The following IMMP2L variants were observed in gnomAD, a reference collection of about 807,000 sequenced individuals.
The protein encoded by IMMP2L is inner mitochondrial membrane peptidase subunit 2, also known as mitochondrial inner membrane protease subunit 2.
In IMMP2L, 18 loss-of-function variants were observed where a neutral mutation model predicts 19.3. That is an observed-to-expected ratio of 0.93 (90% CI 0.64 to 1.38). IMMP2L has a LOEUF of 1.38. Among genes scored for constraint, IMMP2L ranks in the 40% most tolerant of loss-of-function variants. The pLI is 0.00. For missense variants in IMMP2L, 233 were observed against 218.2 expected, an observed-to-expected ratio of 1.07 and a Z score of -0.43; for synonymous variants, 76 against 73.0, an observed-to-expected ratio of 1.04 and a Z score of -0.21.
intron 5 of IMMP2L, among the ~76,000 whole-genome samples, chr7:110,835,743 C>T (rs1404420065): frequency 6.6e-6 from 1 of 151,588 alleles, no homozygotes; most frequent in Non-Finnish European, 1.5e-5. Flanking sequence ...ACACTGTATT[C>T]AATAAATGTT....
chr7:111,037,249 T>A (rs1454857281), intron 3 of IMMP2L, among the ~76,000 whole-genome samples: 3 of 152,190 alleles, frequency 2.0e-5, no homozygotes, highest in African/African-American at 7.2e-5. Flanking sequence ...AGATTTATAT[T>A]TTCAAATTTG....
At position 111,540,813 on chromosome 7, in the gene IMMP2L, G is replaced by A. The variant is rs113375485; in HGVS notation, c.-2-19364C>T. 6.0e-4 allele frequency among the ~76,000 whole-genome samples: 91 copies of A among 151,888 alleles called. 2 individuals carry two copies. The South Asian group carries it at 0.016, about 27-fold the overall frequency. ...GTAGATATGGTTTATATTACCACCC[G>A]TTTACAATGTTGATAGTTTCATATG... On this transcript the variant is annotated intron_variant, in intron 1 of 5. Transcript: ENST00000405709.
Position 110,722,041 on chromosome 7 carries a change from T to G in IMMP2L, c.409-58320A>C, listed in dbSNP as rs115274771. ...GACTGATGAAGGTTTAGTGAGAGGG[T>G]TCATTTGAGCTGGCATTTAAAAGAT... is the stretch of plus-strand genomic sequence containing the variant. On this transcript the variant is annotated intron_variant, in intron 5 of 5. Coordinates refer to ENST00000405709, the MANE Select transcript of IMMP2L (RefSeq NM_032549.4). 5.3e-3 allele frequency among the ~76,000 whole-genome samples: 802 copies of G among 152,022 alleles called. 10 individuals are homozygous for G. Among genetic ancestry groups the G allele is most frequent in the African/African-American group, 0.018 (765 of 41,458 alleles).
chr7:111,537,836 C>G (rs188783098), intron 1 of IMMP2L, among the ~76,000 whole-genome samples: 100 of 152,034 alleles, frequency 6.6e-4, no homozygotes, highest in Non-Finnish European at 1.3e-3. Flanking sequence ...GGGCCAGTTC[C>G]TCTCTTTCAC....
chr7:111,435,587 T>G (rs1477873982), intron 3 of IMMP2L, among the ~76,000 whole-genome samples: 1 of 151,870 alleles, frequency 6.6e-6, no homozygotes, highest in East Asian at 1.9e-4. Context: ...ATGTTCACTA[T>G]TCAGGTGATG....
intron 3 of IMMP2L, among the ~76,000 whole-genome samples, chr7:111,191,431 T>TACACACACAC (rs57414194): frequency 0.021 from 3,074 of 146,690 alleles, 51 homozygotes; most frequent in African/African-American, 0.025. Flanking sequence ...GCTGCTCAAA[T>TACACACACAC]ACACACACAC....
intron 3 of IMMP2L, among the ~76,000 whole-genome samples, chr7:111,377,173 T>C (rs1390680516): frequency 6.6e-6 from 1 of 151,974 alleles, no homozygotes; most frequent in Non-Finnish European, 1.5e-5. Flanking sequence ...AGTAGCTCCT[T>C]ATCACCAAGT....
chr7:111,527,261 T>G (rs1020451810), intron 1 of IMMP2L, among the ~76,000 whole-genome samples: 13 of 151,788 alleles, frequency 8.6e-5, no homozygotes, highest in African/African-American at 3.1e-4. Flanking sequence ...CTCTAAAAAT[T>G]TAAAAATTAG....
chr7:111,343,542 T>C (rs966222827), intron 3 of IMMP2L, among the ~76,000 whole-genome samples: 4 of 152,016 alleles, frequency 2.6e-5, no homozygotes, highest in African/African-American at 9.7e-5. Context: ...CTTCACTCCT[T>C]CAGCAACCAC....
intron 4 of IMMP2L, among the ~76,000 whole-genome samples, chr7:110,901,372 A>G (rs1811844736): frequency 6.6e-6 from 1 of 152,186 alleles, no homozygotes; most frequent in South Asian, 2.1e-4. Flanking sequence ...CCTCTAGAAT[A>G]CCATAAACAA....
chr7:111,392,714 A>G (rs923353192), intron 3 of IMMP2L: 2 of 455,600 alleles, frequency 4.4e-6, no homozygotes, highest in African/African-American at 4.0e-5. Flanking sequence ...ACTTGGCTAT[A>G]AAGTCTGAGG....
chr7:111,202,598 T>C (rs1039182276), intron 3 of IMMP2L, among the ~76,000 whole-genome samples: 6 of 152,152 alleles, frequency 3.9e-5, no homozygotes, highest in Non-Finnish European at 8.8e-5. Flanking sequence ...GTACAGAGGA[T>C]ATGTAGAATT....
At position 111,562,422 on chromosome 7, in the gene IMMP2L, C is replaced by CA. The variant is rs1474209149; in HGVS notation, c.-575_-574insT. 2 of 125,106 alleles carry CA rather than the reference C, an allele frequency of 1.6e-5. No individual in the cohort carries two copies. Among genetic ancestry groups the CA allele is most frequent in the Non-Finnish European group, 3.5e-5 (2 of 57,788 alleles). The allele number at this position is 125,106 out of a possible 1,614,324, so 7.7% of individuals were successfully genotyped here. On this transcript the variant is annotated 5_prime_UTR_variant, in exon 1 of 6. Coordinates refer to ENST00000405709, the MANE Select transcript of IMMP2L (RefSeq NM_032549.4). ...CCGCCGACCCCTGCCAGCCTCACAG[C>CA]CCCCCACCCGCCGCCGGACGCCGGG...
chr7:111,031,284 A>G (rs915918643), intron 3 of IMMP2L, among the ~76,000 whole-genome samples: 1 of 151,962 alleles, frequency 6.6e-6, no homozygotes, highest in Non-Finnish European at 1.5e-5. Flanking sequence ...AAAGGCATCC[A>G]TGCTCCTTGA....
At chr7:111,203,640 T>C (rs1810395415) in intron 3 of IMMP2L, among the ~76,000 whole-genome samples, 1 of 151,024 alleles carries the variant, frequency 6.6e-6, no homozygotes, top group South Asian at 2.1e-4. Context: ...ATGATGCTAC[T>C]TGTTCTGCTT....
intron 4 of IMMP2L, among the ~76,000 whole-genome samples, chr7:110,909,099 C>T (rs772812768): frequency 4.6e-5 from 7 of 152,016 alleles, no homozygotes; most frequent in African/African-American, 9.7e-5. Flanking sequence ...AGATTGAGAG[C>T]GTATGCCAAG....
intron 3 of IMMP2L, among the ~76,000 whole-genome samples, chr7:111,458,613 T>C (rs899499489): frequency 2.0e-5 from 3 of 152,014 alleles, no homozygotes; most frequent in Admixed American, 2.0e-4. Flanking sequence ...CTGATTCTCC[T>C]ATCCCTCTGT....
chr7:111,078,410 ATTGCT>A, intron 3 of IMMP2L, among the ~76,000 whole-genome samples: 1 of 152,212 alleles, frequency 6.6e-6, no homozygotes, highest in Non-Finnish European at 1.5e-5. Flanking sequence ...TCCACTGATT[ATTGCT>A]ACTGCATTAT....
intron 5 of IMMP2L, among the ~76,000 whole-genome samples, chr7:110,802,380 T>C (rs1018784859): frequency 6.6e-6 from 1 of 151,536 alleles, no homozygotes; most frequent in African/African-American, 2.4e-5. Flanking sequence ...CCTGTGTCTG[T>C]GTTGGTAAGT....
Sources: allele counts gnomAD v4.1 joint callset (sites outside exome capture counted in the v4.1 genomes callset), GRCh38; gene constraint gnomAD v4.1.1; transcripts MANE v1.5; gene names NCBI Gene and HGNC (gene_info 2026-07-23, HGNC 2026-07-21).